The following BTNL9 variants were observed in gnomAD, a reference collection of about 807,000 sequenced individuals.
BTNL9 encodes butyrophilin like 9.
A neutral mutation model predicts 45.8 loss-of-function variants in BTNL9; 45 were observed. The observed-to-expected ratio is 0.98, with a 90% CI of 0.77 to 1.26. The LOEUF (loss-of-function observed/expected upper bound fraction) is 1.26, where lower values mean the gene tolerates loss of function less well. Among genes scored for constraint, BTNL9 ranks in the 50% most tolerant of loss-of-function variants. BTNL9 has a pLI of 0.00. For missense variants in BTNL9, 784 were observed against 729.7 expected, an observed-to-expected ratio of 1.07 and a Z score of -0.86; for synonymous variants, 346 against 330.8, an observed-to-expected ratio of 1.05 and a Z score of -0.50.
chr5:181,045,639 A>C (rs752009254), intron 2 of BTNL9, 41 bp downstream of exon 2: 1 of 1,495,414 alleles, frequency 6.7e-7, no homozygotes, highest in Non-Finnish European at 9.3e-7. Flanking sequence ...TGTGAACGCC[A>C]CCCCTCCTGC....
At chr5:181,044,336 C>T (rs993313495) in intron 1 of BTNL9, among the ~76,000 whole-genome samples, 5 of 152,230 alleles carry the variant, frequency 3.3e-5, no homozygotes, top group East Asian at 3.9e-4. Context: ...GCCAAGGTCT[C>T]GGAAGAAAAG....
Position 181,053,414 on chromosome 5 carries a change from G to A in BTNL9, c.854-55G>A. 1 of 1,543,338 alleles carries A rather than the reference G, an allele frequency of 6.5e-7. No individual in the cohort carries two copies. The highest frequency in any genetic ancestry group is 8.7e-7 in the Non-Finnish European group (1 of 1,143,962). On this transcript the variant is annotated intron_variant, in intron 5 of 10. Transcript: ENST00000327705. This position sits in a 1 kb window ranked among gnomAD's most constrained non-coding sequence, Gnocchi z 6.5. ...CCCCAGGACGCGGCGCGGGAAGGCGGCCTGGAAGGGGCGGGGGCGCGCACT... is the reference window on the plus strand; with the variant it reads ...CCCCAGGACGCGGCGCGGGAAGGCGACCTGGAAGGGGCGGGGGCGCGCACT...
At chr5:181,048,600 T>C (rs1048203496) in intron 3 of BTNL9, among the ~76,000 whole-genome samples, 1 of 150,920 alleles carries the variant, frequency 6.6e-6, no homozygotes, top group Non-Finnish European at 1.5e-5. Context: ...TAGCCAGGTG[T>C]GGTGGTGCGT....
At chr5:181,054,472 T>A in intron 7 of BTNL9, 2 of 985,448 alleles carry the variant, frequency 2.0e-6, no homozygotes, top group Non-Finnish European at 2.4e-6. Context: ...CCCTGCCAGC[T>A]CCTCCCCTGC....
At chr5:181,048,828 T>TTATATAATTATATTAGTTATATAA (rs1561979025) in intron 3 of BTNL9, among the ~76,000 whole-genome samples, 1 of 140,294 alleles carries the variant, frequency 7.1e-6, no homozygotes, top group Non-Finnish European at 1.5e-5. Flanking sequence ...TTATATAATA[T>TTATATAATTATATTAGTTATATAA]TATATAATTA....
At chr5:181,046,627 T>G (rs60098440) in intron 2 of BTNL9, among the ~76,000 whole-genome samples, 2,011 of 151,984 alleles carry the variant, frequency 0.013, 49 homozygotes, top group African/African-American at 0.046. Context: ...GGGGTGTGGA[T>G]GTGGCATAAA....
At position 181,053,417 on chromosome 5, in the gene BTNL9, T is replaced by C; in HGVS notation, c.854-52T>C. The C allele has an allele frequency of 5.8e-6, 9 of 1,544,972 alleles. No homozygotes were observed. The highest frequency in any genetic ancestry group is 7.0e-6 in the Non-Finnish European group (8 of 1,144,874). ...CAGGACGCGGCGCGGGAAGGCGGCC[T>C]GGAAGGGGCGGGGGCGCGCACTCAG... is the stretch of plus-strand genomic sequence containing the variant. On this transcript the variant is annotated intron_variant, in intron 5 of 10. Transcript: ENST00000327705. The surrounding 1 kb of genome is among the most constrained non-coding windows in gnomAD (Gnocchi z 6.5).
rs763046355 is a variant in BTNL9 at position 181,045,537 on chromosome 5, G to A, written c.48G>A (p.Leu16=). The A allele has an allele frequency of 6.2e-7, 1 of 1,612,706 alleles. No homozygotes were observed. The highest frequency in any genetic ancestry group is 1.1e-5 in the South Asian group (1 of 91,064). The change falls in exon 2 of 11, where the codon CTG becomes CTA. Residue 16 remains leucine (L), a synonymous_variant. Coordinates refer to ENST00000327705, the MANE Select transcript of BTNL9 (RefSeq NM_152547.5). ...VSPDSLKPVS[L]TSSLVFLMHL... is the part of the protein sequence containing the mutation. ...CAGACTCCTTGAAGCCAGTATCGCT[G>A]ACCAGCAGTCTTGTCTTCCTCATGC...
chr5:181,048,250 C>G lies in BTNL9; in HGVS notation c.433C>G (p.Leu145Val). ...FHSDNFSGEA[L>V]WELEVAGLGS... ...CTCCGACAACTTCTCTGGCGAAGCT[C>G]TCTGGGAACTGGAGGTAGCAGGTGC... The change falls in exon 3 of 11, where the codon CTC (leucine) becomes GTC (valine). Residue 145 changes from leucine (L) to valine (V), a missense_variant. Coordinates refer to ENST00000327705, the MANE Select transcript of BTNL9 (RefSeq NM_152547.5). The G allele has an allele frequency of 6.2e-7, 1 of 1,611,034 alleles. No individual in the cohort carries two copies.
At chr5:181,040,804 G>C (rs75102128) in intron 1 of BTNL9, among the ~76,000 whole-genome samples, 2 of 152,222 alleles carry the variant, frequency 1.3e-5, no homozygotes, top group South Asian at 2.1e-4. Flanking sequence ...GGGGTCTGCC[G>C]GGGGGAAGGG....
Position 181,050,422 on chromosome 5 carries a change from C to G in BTNL9, c.736+53C>G. ...TTCCTAGTCCTCATGTGTACATACA[C>G]ATTGGCCCAAAGGCAGTCTATAAAG... On this transcript the variant is annotated intron_variant, in intron 4 of 10. Coordinates refer to ENST00000327705, the MANE Select transcript of BTNL9 (RefSeq NM_152547.5). The surrounding 1 kb of genome is among the most constrained non-coding windows in gnomAD (Gnocchi z 4.9). The G allele has an allele frequency of 6.3e-7, 1 of 1,582,182 alleles. No individual in the cohort carries two copies. Among genetic ancestry groups the G allele is most frequent in the South Asian group, 1.2e-5 (1 of 86,308 alleles).
In BTNL9 at chr5:181,054,229, T is replaced by C. The variant is rs1282822611; in HGVS notation, c.887-10T>C. On this transcript the variant is annotated splice_polypyrimidine_tract_variant and intron_variant, in intron 6 of 10. Coordinates refer to ENST00000327705, the MANE Select transcript of BTNL9 (RefSeq NM_152547.5). ...CCTTTTCTTCATCTTTTTTTTTTTT[T>C]TTTCTCTAGAGAAACTCACTGCAGA... 5 of 1,612,546 alleles carry C rather than the reference T, an allele frequency of 3.1e-6. No individual in the cohort carries two copies. The highest frequency in any genetic ancestry group is 4.2e-6 in the Non-Finnish European group (5 of 1,179,704).
intron 1 of BTNL9, among the ~76,000 whole-genome samples, chr5:181,043,204 CTG>C (rs1315322453): frequency 2.0e-5 from 3 of 150,674 alleles, no homozygotes; most frequent in Admixed American, 6.6e-5. Flanking sequence ...GTGTATGTGT[CTG>C]TGTGTGTGCA....
At position 181,048,773 on chromosome 5, in the gene BTNL9, TGC is replaced by T. The variant is rs1331901066; in HGVS notation, c.454+503_454+504del. 6.5e-4 allele frequency among the ~76,000 whole-genome samples: 29 copies of T among 44,492 alleles called. 1 individual carries two copies. The highest frequency in any genetic ancestry group is 1.8e-3 in the African/African-American group (28 of 15,672). The allele number at this position is 44,492 out of a possible 152,430, so 29.2% of individuals were successfully genotyped here. A position where few individuals can be genotyped will look rare whatever the true frequency, so the allele number is the denominator to read the frequency against. On this transcript the variant is annotated intron_variant, in intron 3 of 10. Transcript: ENST00000327705. ...TATATAGATATAGATATATATAGTA[TGC>T]TATATATTAATTATATAGTTATATA...
chr5:181,059,201 G>A (rs763371636), intron 10 of BTNL9, 36 bp from the exon 11 acceptor site: 76 of 1,482,730 alleles, frequency 5.1e-5, no homozygotes, highest in Non-Finnish European at 6.4e-5. Flanking sequence ...GGCCCAGACC[G>A]TCCCGGGCGG....
At chr5:181,057,130 G>A (rs916241027) in intron 9 of BTNL9, 1 of 151,704 alleles carries the variant, frequency 6.6e-6, no homozygotes, top group Non-Finnish European at 1.5e-5. Context: ...TCCCCTTATT[G>A]AAAAGGAATT....
At chr5:181,051,090 A>C (rs369305699) in intron 4 of BTNL9, among the ~76,000 whole-genome samples, 2,497 of 19,138 alleles carry the variant, frequency 0.13, 29 homozygotes, top group Middle Eastern at 0.32. Flanking sequence ...AAAAAAAAAC[A>C]AAAAAAAAAA....
Position 181,053,227 on chromosome 5 carries a change from G to A in BTNL9, c.764G>A (p.Trp255Ter), listed in dbSNP as rs1463762561. Residue 255 changes from tryptophan (W) to a stop codon, truncating the protein, a stop_gained, in exon 5 of 11, where the codon TGG becomes TAG. Coordinates refer to ENST00000327705, the MANE Select transcript of BTNL9 (RefSeq NM_152547.5). LOFTEE classifies it high-confidence loss of function. The surrounding 1 kb of genome is among the most constrained non-coding windows in gnomAD (Gnocchi z 6.5). ...GTGTTCGTACCCGGAGCCTCTGCGT[G>A]GAAGAGCGCGTTCGTCGCGACCCTG... Reference protein sequence around the residue: ...ADVFVPGASAWKSAFVATLPL... With the variant: ...ADVFVPGASA The A allele has an allele frequency of 1.3e-6, 2 of 1,589,532 alleles. No homozygotes were observed. Among genetic ancestry groups the A allele is most frequent in the African/African-American group, 1.4e-5 (1 of 71,824 alleles).
At chr5:181,045,405 G>T in intron 1 of BTNL9, 62 bp from the exon 2 acceptor site, 1 of 853,684 alleles carries the variant, frequency 1.2e-6, no homozygotes. Flanking sequence ...AGGTCTGATG[G>T]AGTGAGTTCC....
Sources: allele counts gnomAD v4.1 joint callset (sites outside exome capture counted in the v4.1 genomes callset), GRCh38; gene constraint gnomAD v4.1.1; non-coding constraint Gnocchi (gnomAD v3.1); transcripts MANE v1.5; gene names NCBI Gene and HGNC (gene_info 2026-07-23, HGNC 2026-07-21).